ZNF224: variants seen among roughly 807,000 people sequenced by gnomAD.
The protein encoded by ZNF224 is zinc finger protein 224.
Under a neutral mutation model 10.5 loss-of-function variants are expected in ZNF224, and 8 were observed. The observed-to-expected ratio is 0.76, with a 90% CI of 0.45 to 1.37. ZNF224 has a LOEUF of 1.37. Among genes scored for constraint, ZNF224 ranks in the 40% most tolerant of loss-of-function variants. The pLI, the probability that ZNF224 is intolerant of heterozygous loss-of-function variation, is 0.00. For synonymous variants in ZNF224, 282 were observed against 287.8 expected (o/e 0.98, Z 0.20); for missense variants, 754 against 854.0 (o/e 0.88, Z 1.46).
intron 2 of ZNF224, 86 bp from the exon 3 acceptor site, chr19:44,097,719 CA>C: frequency 2.7e-6 from 2 of 745,866 alleles, no homozygotes; most frequent in East Asian, 5.1e-5. Flanking sequence ...AGTCATGTGC[CA>C]ATTCACAATA....
At chr19:44,104,756 G>T (rs940945278) in intron 5 of ZNF224, among the ~76,000 whole-genome samples, 1 of 152,148 alleles carries the variant, frequency 6.6e-6, no homozygotes, top group African/African-American at 2.4e-5. Flanking sequence ...CCAACTCCTG[G>T]GTTCTTGCCA....
At chr19:44,099,224 C>A (rs1967500479) in intron 3 of ZNF224, among the ~76,000 whole-genome samples, 1 of 152,106 alleles carries the variant, frequency 6.6e-6, no homozygotes, top group South Asian at 2.1e-4. Context: ...ATCTTCTCTT[C>A]CTGTCGTAGT....
rs1248785207 is a variant in ZNF224 at position 44,107,201 on chromosome 19, G to C, written c.1041G>C (p.Glu347Asp). The C allele has an allele frequency of 6.2e-7, 1 of 1,605,292 alleles. No individual in the cohort carries two copies. The highest frequency in any genetic ancestry group is 8.5e-7 in the Non-Finnish European group (1 of 1,175,666). The change falls in exon 6 of 6, where the codon GAG becomes GAC. Residue 347 changes from glutamate to aspartate, a missense_variant. Coordinates refer to ENST00000693561, the MANE Select transcript of ZNF224 (RefSeq NM_001321645.3). ...CAGGAGAGAAACCATACAAATGTGA[G>C]GAGTGTGGAAAAGGCTTTATTTGTA... ...IHTGEKPYKC[E>D]ECGKGFICRR...
At position 44,108,272 on chromosome 19, in the gene ZNF224, A is replaced by G. The variant is rs143999725; in HGVS notation, c.2112A>G (p.Gly704=). 7 of 1,608,800 alleles carry G rather than the reference A, an allele frequency of 4.4e-6. No homozygotes were observed. The African/African-American group carries it at 8.0e-5, about 18-fold the overall frequency. Residue 704 remains glycine (G), a synonymous_variant, in exon 6 of 6, where the codon GGA becomes GGG. Transcript: ENST00000693561. The stretch of plus-strand genomic sequence containing the variant: ...GACTTCATCAGAATGTTCATGTTGG[A>G]GAAAAACCTTAGTGATGTGATGGTG... The part of the protein sequence containing the change: ...SLRLHQNVHV[G]EKP
At chr19:44,102,977 A>G (rs996939206) in intron 5 of ZNF224, among the ~76,000 whole-genome samples, 1 of 152,198 alleles carries the variant, frequency 6.6e-6, no homozygotes, top group Non-Finnish European at 1.5e-5. Context: ...AGAATGAGGA[A>G]GAGAGCAACA....
At position 44,101,231 on chromosome 19, in the gene ZNF224, A is replaced by T. The variant is rs1187448951; in HGVS notation, c.235+6A>T. 6.2e-7 allele frequency: 1 copy of T among 1,613,244 alleles called. No individual in the cohort carries two copies. The highest frequency in any genetic ancestry group is 8.5e-7 in the Non-Finnish European group (1 of 1,179,306). Reference sequence around the variant, plus strand: ...CCAAAGGGAAGGGAATTCAGGTAAGAATCAAGCAACTGTGAATCCCTGTAT... The same window carrying T: ...CCAAAGGGAAGGGAATTCAGGTAAGTATCAAGCAACTGTGAATCCCTGTAT... On this transcript the variant is annotated splice_donor_region_variant and intron_variant, in intron 5 of 5. Transcript: ENST00000693561.
At chr19:44,103,393 T>A (rs1291795728) in intron 5 of ZNF224, among the ~76,000 whole-genome samples, 1 of 152,206 alleles carries the variant, frequency 6.6e-6, no homozygotes, top group East Asian at 1.9e-4. Flanking sequence ...TGACCAAAGT[T>A]GTCAACATTT....
chr19:44,105,642 T>G (rs1011582676), intron 5 of ZNF224: 4 of 152,222 alleles, frequency 2.6e-5, no homozygotes, highest in Admixed American at 2.0e-4. Flanking sequence ...TGTACCCAAC[T>G]TGTAGCTTTT....
At chr19:44,103,328 A>G (rs1305529331) in intron 5 of ZNF224, among the ~76,000 whole-genome samples, 1 of 152,220 alleles carries the variant, frequency 6.6e-6, no homozygotes, top group African/African-American at 2.4e-5. Flanking sequence ...CCAAGATTCA[A>G]CCTTGGAAGT....
rs1438701573 is a variant in ZNF224, at chr19:44,109,633, A to G, written c.*1349A>G. 1.3e-5 allele frequency: 2 copies of G among 152,330 alleles called. No individual in the cohort carries two copies. Among genetic ancestry groups the G allele is most frequent in the Non-Finnish European group, 2.9e-5 (2 of 68,024 alleles). The allele number at this position is 152,330 out of a possible 1,614,324, so 9.4% of individuals were successfully genotyped here. ...AAAACTCCAAAAAGTAGAAGACCAC[A>G]TTGATGATGTCACTGCATTTTAAAA... On this transcript the variant is annotated 3_prime_UTR_variant, in exon 6 of 6. Transcript: ENST00000693561.
rs1233830565 is a variant in ZNF224, at chr19:44,107,207, T to C, written c.1047T>C (p.Cys349=). The C allele has an allele frequency of 1.9e-6, 3 of 1,604,370 alleles. No individual in the cohort carries two copies. ...TGEKPYKCEE[C]GKGFICRRDL... Reference sequence around the variant, plus strand: ...AGAAACCATACAAATGTGAGGAGTGTGGAAAAGGCTTTATTTGTAGGCGAG... The same window carrying C: ...AGAAACCATACAAATGTGAGGAGTGCGGAAAAGGCTTTATTTGTAGGCGAG... The change falls in exon 6 of 6, where the codon TGT becomes TGC. Residue 349 remains cysteine (C), a synonymous_variant. Transcript: ENST00000693561.
Position 44,106,438 on chromosome 19 carries a change from G to A in ZNF224, c.278G>A (p.Gly93Glu). 6.2e-7 allele frequency: 1 copy of A among 1,614,134 alleles called. No homozygotes were observed. The highest frequency in any genetic ancestry group is 8.5e-7 in the Non-Finnish European group (1 of 1,180,014). Residue 93 changes from glycine (G) to glutamate (E), a missense_variant, in exon 6 of 6, where the codon GGA becomes GAA. Coordinates refer to ENST00000693561, the MANE Select transcript of ZNF224 (RefSeq NM_001321645.3). ...GAGATGGAGACTGTTTCAGAAGCAGGAACACATCAAGAGTGGTCCTTCCAG... is the reference window on the plus strand; with the variant it reads ...GAGATGGAGACTGTTTCAGAAGCAGAAACACATCAAGAGTGGTCCTTCCAG... ...QTEMETVSEA[G>E]THQEWSFQQI...
intron 5 of ZNF224, 45 bp from the exon 6 acceptor site, chr19:44,106,351 C>G (rs7250439): frequency 0.03 from 48,409 of 1,598,620 alleles, 3,580 homozygotes; most frequent in Admixed American, 0.21. Flanking sequence ...TAACACTGAA[C>G]AAAGGCTTCA....
At position 44,107,507 on chromosome 19, in the gene ZNF224, C is replaced by A. The variant is rs778884135; in HGVS notation, c.1347C>A (p.Val449=). 1.1e-5 allele frequency: 18 copies of A among 1,606,514 alleles called. No homozygotes were observed. In the South Asian group the frequency reaches 1.9e-4, roughly 17 times the overall value. Residue 449 remains valine, a synonymous_variant, in exon 6 of 6, where the codon GTC becomes GTA. Coordinates refer to ENST00000693561, the MANE Select transcript of ZNF224 (RefSeq NM_001321645.3). The stretch of plus-strand genomic sequence containing the variant: ...TGGATCTTGACTTTCACCAGCGCGT[C>A]CATACAGGAGAGAAACTGTATAATT... ...RRLDLDFHQR[V]HTGEKLYNCK...
In ZNF224 at chr19:44,108,270, G is replaced by A. The variant is rs773363567; in HGVS notation, c.2110G>A (p.Gly704Arg). The A allele has an allele frequency of 5.6e-6, 9 of 1,608,392 alleles. No homozygotes were observed. In the East Asian group the frequency reaches 1.8e-4, roughly 32 times the overall value. ...SLRLHQNVHV[G>R]EKP ...TCGACTTCATCAGAATGTTCATGTTGGAGAAAAACCTTAGTGATGTGATGG... is the reference window on the plus strand; with the variant it reads ...TCGACTTCATCAGAATGTTCATGTTAGAGAAAAACCTTAGTGATGTGATGG... Residue 704 changes from glycine (G) to arginine (R), a missense_variant, in exon 6 of 6, where the codon GGA (glycine) becomes AGA (arginine). Transcript: ENST00000693561.
chr19:44,102,752 G>A (rs937760653), intron 5 of ZNF224, among the ~76,000 whole-genome samples: 6 of 152,118 alleles, frequency 3.9e-5, no homozygotes, highest in Admixed American at 2.0e-4. Context: ...ATTCATTTCT[G>A]GAAAGAAATC....
intron 2 of ZNF224, chr19:44,097,074 C>G (rs995208163): frequency 4.1e-6 from 1 of 241,976 alleles, no homozygotes; most frequent in African/African-American, 2.3e-5. Context: ...TTTCAGATTT[C>G]TCCACTATAA....
intron 2 of ZNF224, among the ~76,000 whole-genome samples, chr19:44,097,462 T>C (rs1967461581): frequency 6.6e-6 from 1 of 152,240 alleles, no homozygotes; most frequent in Admixed American, 6.5e-5. Flanking sequence ...TCTATGCATT[T>C]TCCTACCCAG....
In ZNF224 at chr19:44,097,798, C is replaced by A; in HGVS notation, c.-68-8C>A. ...GTCTCTTTTTCTGCCTTTCCTGGCACTTTGCAGGCACAATTCTGCTTTCCC... is the reference window on the plus strand; with the variant it reads ...GTCTCTTTTTCTGCCTTTCCTGGCAATTTGCAGGCACAATTCTGCTTTCCC... On this transcript the variant is annotated splice_region_variant and splice_polypyrimidine_tract_variant and intron_variant, in intron 2 of 5. Coordinates refer to ENST00000693561, the MANE Select transcript of ZNF224 (RefSeq NM_001321645.3). 1 of 1,562,002 alleles carries A rather than the reference C, an allele frequency of 6.4e-7. No homozygotes were observed. Among genetic ancestry groups the A allele is most frequent in the Non-Finnish European group, 8.8e-7 (1 of 1,139,950 alleles).
Sources: allele counts gnomAD v4.1 joint callset (sites outside exome capture counted in the v4.1 genomes callset), GRCh38; gene constraint gnomAD v4.1.1; transcripts MANE v1.5; gene names NCBI Gene and HGNC (gene_info 2026-07-23, HGNC 2026-07-21).